WFDC1: variants seen among roughly 807,000 people sequenced by gnomAD.
WFDC1 encodes WAP four-disulfide core domain 1.
WFDC1 carries 39 observed loss-of-function variants against 32.9 expected under a neutral mutation model. The ratio of observed to expected loss-of-function variants is 1.19; its 90% CI spans 0.92 to 1.55. WFDC1 has a LOEUF of 1.55. Ranked by LOEUF, WFDC1 falls within the 40% of genes most tolerant of loss-of-function variation. WFDC1 has a pLI of 0.00. For missense variants in WFDC1, 386 were observed against 309.5 expected, an observed-to-expected ratio of 1.25 and a Z score of -1.85; for synonymous variants, 184 against 137.4, an observed-to-expected ratio of 1.34 and a Z score of -2.37.
At chr16:84,315,147 G>A (rs751197041) in intron 2 of WFDC1, among the ~76,000 whole-genome samples, 9 of 152,194 alleles carry the variant, frequency 5.9e-5, no homozygotes, top group Non-Finnish European at 1.0e-4. Flanking sequence ...CTGTACCCAC[G>A]TGTGGGGTCC....
At chr16:84,309,281 CAT>C in intron 1 of WFDC1, among the ~76,000 whole-genome samples, 1 of 152,144 alleles carries the variant, frequency 6.6e-6, no homozygotes. Flanking sequence ...GAAAAAGTAA[CAT>C]GTACCTGGTT....
At chr16:84,314,053 GAAAGAA>G (rs1907808777) in intron 2 of WFDC1, among the ~76,000 whole-genome samples, 2 of 145,120 alleles carry the variant, frequency 1.4e-5, no homozygotes, top group Admixed American at 6.9e-5. Flanking sequence ...AAAAAAAAAA[GAAAGAA>G]AAAGAAAAGA....
chr16:84,325,329 A>C (rs755245503), intron 5 of WFDC1, among the ~76,000 whole-genome samples: 1 of 152,078 alleles, frequency 6.6e-6, no homozygotes, highest in Non-Finnish European at 1.5e-5. Flanking sequence ...CAGCCTCCCA[A>C]ATAGCTGGGA....
intron 4 of WFDC1, among the ~76,000 whole-genome samples, chr16:84,323,281 A>G (rs896362097): frequency 6.6e-6 from 1 of 152,246 alleles, no homozygotes; most frequent in Non-Finnish European, 1.5e-5. Flanking sequence ...AAAACAAAAG[A>G]AAAAGAAAAT....
intron 4 of WFDC1, among the ~76,000 whole-genome samples, chr16:84,321,503 G>A (rs1186957964): frequency 2.6e-5 from 4 of 152,138 alleles, no homozygotes; most frequent in African/African-American, 4.8e-5. Flanking sequence ...TAATAATGAC[G>A]GCATAATAGG....
rs1165591911 is a variant in WFDC1 at position 84,319,534 on chromosome 16, C to A, written c.525C>A (p.Pro175=). 4 of 1,613,020 alleles carry A rather than the reference C, an allele frequency of 2.5e-6. No homozygotes were observed. The highest frequency in any genetic ancestry group is 2.5e-6 in the Non-Finnish European group (3 of 1,179,954). The change falls in exon 4 of 7, where the codon CCC becomes CCA. Residue 175 remains proline, a synonymous_variant. Transcript: ENST00000219454. The part of the protein sequence containing the change: ...LSPGDVAEGI[P]NRGQCVKQRR... ...CAGGTGACGTGGCCGAAGGTATCCCCAACCGTGGGCAGTGCGTCAAGCAGC... is the reference window on the plus strand; with the variant it reads ...CAGGTGACGTGGCCGAAGGTATCCCAAACCGTGGGCAGTGCGTCAAGCAGC...
At chr16:84,328,786 CA>C (rs3837761) in intron 6 of WFDC1, 68,464 of 151,052 alleles carry the variant, frequency 0.45, 15,630 homozygotes, top group South Asian at 0.51. Context: ...CCTATCTCTA[CA>C]AAAAAAAATA....
chr16:84,324,852 C>G (rs1000024918), intron 5 of WFDC1, among the ~76,000 whole-genome samples: 1 of 151,918 alleles, frequency 6.6e-6, no homozygotes, highest in Non-Finnish European at 1.5e-5. Context: ...ACCCATCCAT[C>G]TACCCACCAT....
chr16:84,296,236 C>G (rs1323991858), intron 1 of WFDC1, among the ~76,000 whole-genome samples: 2 of 152,246 alleles, frequency 1.3e-5, no homozygotes, highest in Non-Finnish European at 2.9e-5. Context: ...ACATAGCAAG[C>G]TGGCAGTGCA....
chr16:84,302,138 G>C (rs927030321), intron 1 of WFDC1, among the ~76,000 whole-genome samples: 1 of 152,132 alleles, frequency 6.6e-6, no homozygotes, highest in Non-Finnish European at 1.5e-5. Flanking sequence ...ACACTGTTTG[G>C]ATGCAACGTC....
intron 1 of WFDC1, among the ~76,000 whole-genome samples, chr16:84,307,185 G>A (rs565427561): frequency 2.6e-5 from 4 of 152,130 alleles, no homozygotes; most frequent in Non-Finnish European, 5.9e-5. Context: ...CCGACCTCTA[G>A]GCCAAGAACC....
rs1457246513 is a variant in WFDC1 at position 84,318,258 on chromosome 16, C to A, written c.338-14C>A. On this transcript the variant is annotated splice_polypyrimidine_tract_variant and intron_variant, in intron 2 of 6. Transcript: ENST00000219454. ...GCTTGAGGAGGGCCCTGATCTGACC[C>A]CGTATTGTGTTAGTCTTAGACTGGC... 13 of 1,613,992 alleles carry A rather than the reference C, an allele frequency of 8.1e-6. No homozygotes were observed. The highest frequency in any genetic ancestry group is 1.0e-5 in the Non-Finnish European group (12 of 1,179,898).
rs1322630200 is a variant in WFDC1 at position 84,329,350 on chromosome 16, C to G, written c.*44C>G. 6.7e-6 allele frequency: 1 copy of G among 150,092 alleles called. No homozygotes were observed. Among genetic ancestry groups the G allele is most frequent in the Non-Finnish European group, 1.5e-5 (1 of 68,132 alleles). 9.3% of individuals were successfully genotyped at this position (150,092 alleles called of 1,614,324 possible). A position where few individuals can be genotyped will look rare whatever the true frequency, so the allele number is the denominator to read the frequency against. On this transcript the variant is annotated 3_prime_UTR_variant, in exon 7 of 7. Coordinates refer to ENST00000219454, the MANE Select transcript of WFDC1 (RefSeq NM_021197.4). ...GGTTGCAAGAACATTCCTCTACTTT[C>G]TGCTAAGCCTTGGAAACAGTTGGGA...
At chr16:84,306,783 C>CATCATA (rs1381380530) in intron 1 of WFDC1, among the ~76,000 whole-genome samples, 1 of 152,086 alleles carries the variant, frequency 6.6e-6, no homozygotes, top group Non-Finnish European at 1.5e-5. Flanking sequence ...TCATCATCAT[C>CATCATA]ATCATCACAG....
chr16:84,302,998 C>T (rs1320362288), intron 1 of WFDC1, among the ~76,000 whole-genome samples: 1 of 151,262 alleles, frequency 6.6e-6, no homozygotes, highest in Non-Finnish European at 1.5e-5. Context: ...GTCGACTTTG[C>T]CGTCTCGTGA....
intron 4 of WFDC1, among the ~76,000 whole-genome samples, chr16:84,320,593 A>G (rs1432466616): frequency 6.6e-6 from 1 of 152,216 alleles, no homozygotes; most frequent in Non-Finnish European, 1.5e-5. Context: ...ACCCCACTCA[A>G]GGCAATCAAG....
rs1347439069 is a variant in WFDC1 at position 84,319,427 on chromosome 16, G to A, written c.422-4G>A. 1.2e-6 allele frequency: 2 copies of A among 1,608,966 alleles called. No homozygotes were observed. Among genetic ancestry groups the A allele is most frequent in the Middle Eastern group, 1.6e-4 (1 of 6,078 alleles). On this transcript the variant is annotated splice_polypyrimidine_tract_variant and splice_region_variant and intron_variant, in intron 3 of 6. Transcript: ENST00000219454. ...CTAGACCCCAGCGTGTGTCCCTCCT[G>A]CAGCAGAGGCGTGCAGCACCACGGA...
chr16:84,314,750 C>T (rs1327784657), intron 2 of WFDC1, among the ~76,000 whole-genome samples: 1 of 152,192 alleles, frequency 6.6e-6, no homozygotes, highest in Non-Finnish European at 1.5e-5. Flanking sequence ...TAAATGTTGC[C>T]CCTCATGGTG....
At chr16:84,297,684 G>A (rs1268348819) in intron 1 of WFDC1, among the ~76,000 whole-genome samples, 3 of 149,900 alleles carry the variant, frequency 2.0e-5, no homozygotes, top group Admixed American at 2.0e-4. Flanking sequence ...AAGACAGGCT[G>A]TTCGCCTGTG....
Sources: gnomAD v4.1 joint callset for allele counts (sites outside exome capture counted in the v4.1 genomes callset) on GRCh38, gnomAD v4.1.1 for gene constraint, MANE v1.5 for transcripts, NCBI Gene and HGNC (gene_info 2026-07-23, HGNC 2026-07-21) for gene names.